Variants in SPIN3 observed in about 807,000 individuals in gnomAD.
The protein encoded by SPIN3 is spindlin-3.
For missense variants in SPIN3, 176 were observed against 196.4 expected (o/e 0.90, Z 0.62); for synonymous variants, 74 against 74.3 (o/e 1.00, Z 0.02).
intron 1 of SPIN3, 95 bp downstream of exon 1, chrX:56,995,121 A>T: frequency 2.1e-6 from 1 of 485,650 alleles, no homozygotes; most frequent in Non-Finnish European, 3.3e-6. Flanking sequence ...GAGTGCCTGC[A>T]GTAACCTTCC....
At chrX:56,982,713 C>G (rs1016094989) in intron 3 of SPIN3, 6 of 111,306 alleles carry the variant, frequency 5.4e-5, no homozygotes, top group African/African-American at 2.0e-4. Context: ...TCTGGGGGAA[C>G]AGGAGGTAGC....
At position 56,993,318 on chromosome X, in the gene SPIN3, C is replaced by T. The variant is rs1201285776; in HGVS notation, c.*853G>A. On this transcript the variant is annotated 3_prime_UTR_variant, in exon 2 of 2. Transcript: ENST00000374919. The stretch of plus-strand genomic sequence containing the variant: ...TGTGACTGAGGGCTCTAGCTAGAGC[C>T]TGGCTTAATGCTCCTCTGGGCTGGC... The T allele has an allele frequency of 8.9e-6, 1 of 111,991 alleles. No homozygotes were observed. Among genetic ancestry groups the T allele is most frequent in the Non-Finnish European group, 1.9e-5 (1 of 53,235 alleles). 9.2% of individuals were successfully genotyped at this position (111,991 alleles called of 1,213,427 possible). A position where few individuals can be genotyped will look rare whatever the true frequency, so the allele number is the denominator to read the frequency against.
In SPIN3 at chrX:56,994,934, A is replaced by T; in HGVS notation, c.14T>A (p.Phe5Tyr). The change falls in exon 2 of 2, where the codon TTT becomes TAT. Residue 5 changes from phenylalanine (F) to tyrosine (Y), a missense_variant. Transcript: ENST00000374919. MKTP[F>Y]GKAAAGQRSR... is the part of the protein sequence containing the mutation. ...CCGCTGCCCTGCAGCTGCCTTTCCA[A>T]ACGGGGTCTTCATGCCTGCGAAGAG... 8.4e-7 allele frequency: 1 copy of T among 1,193,473 alleles called. No homozygotes were observed. The highest frequency in any genetic ancestry group is 1.1e-6 in the Non-Finnish European group (1 of 886,774).
At chrX:56,980,721 CCTGTTTCATACT>C (rs1214437409) in intron 3 of SPIN3, among the ~76,000 whole-genome samples, 33 of 110,252 alleles carry the variant, frequency 3.0e-4, no homozygotes, top group African/African-American at 1.1e-3. Context: ...ACTCTCTGGA[CCTGTTTCATACT>C]CTGTACAAAT....
At chrX:56,981,745 A>T in intron 3 of SPIN3, 1 of 111,824 alleles carries the variant, frequency 8.9e-6, no homozygotes, top group Non-Finnish European at 1.9e-5. Context: ...TTATGGTAAC[A>T]TTTTTTTAAA....
intron 2 of SPIN3, among the ~76,000 whole-genome samples, chrX:56,984,791 A>G (rs1480401927): frequency 9.0e-6 from 1 of 111,503 alleles, no homozygotes; most frequent in Non-Finnish European, 1.9e-5. Flanking sequence ...GAAATTTCCA[A>G]CTTATGTATC....
chrX:56,989,692 G>A (rs572148096), downstream of SPIN3, among the ~76,000 whole-genome samples: 1 of 111,226 alleles, frequency 9.0e-6, no homozygotes, highest in African/African-American at 3.3e-5. Flanking sequence ...GGCATTAGAT[G>A]CTCATAGGAG....
rs1924316208 is a variant in SPIN3, at chrX:56,990,861, G to A, written c.*3310C>T. On this transcript the variant is annotated 3_prime_UTR_variant, in exon 2 of 2. Coordinates refer to ENST00000374919, the MANE Select transcript of SPIN3 (RefSeq NM_001010862.3). ...ATTAAGATATCAGCTTTAATATATT[G>A]TTCAGTGAAAAAAGCAAAATTCAGA... is the stretch of plus-strand genomic sequence containing the variant. The A allele has an allele frequency of 9.2e-6, 1 of 108,197 alleles. No individual in the cohort carries two copies. Among genetic ancestry groups the A allele is most frequent in the African/African-American group, 3.4e-5 (1 of 29,722 alleles). 8.9% of individuals were successfully genotyped at this position (108,197 alleles called of 1,213,427 possible).
At chrX:56,977,033 A>C (rs1279390222) in exon 6 of SPIN3, 1 of 111,560 alleles carries the variant, frequency 9.0e-6, no homozygotes, top group Non-Finnish European at 1.9e-5. Context: ...AAAATTCCCT[A>C]AAAACTGAAA....
Position 56,993,055 on chromosome X carries a change from C to T in SPIN3, c.*1116G>A, listed in dbSNP as rs1310594368. 1 of 111,983 alleles carries T rather than the reference C, an allele frequency of 8.9e-6. No individual in the cohort carries two copies. Among genetic ancestry groups the T allele is most frequent in the South Asian group, 3.8e-4 (1 of 2,659 alleles). 9.2% of individuals were successfully genotyped at this position (111,983 alleles called of 1,213,427 possible). A position where few individuals can be genotyped will look rare whatever the true frequency, so the allele number is the denominator to read the frequency against. Reference sequence around the variant, plus strand: ...CTGCTGGGATACCATAATAGATGAGCCCACCAGTCCCTGCAAGGAAGTATA... The same window carrying T: ...CTGCTGGGATACCATAATAGATGAGTCCACCAGTCCCTGCAAGGAAGTATA... On this transcript the variant is annotated 3_prime_UTR_variant, in exon 2 of 2. Transcript: ENST00000374919.
At position 56,994,796 on chromosome X, in the gene SPIN3, C is replaced by A; in HGVS notation, c.152G>T (p.Gly51Val). Residue 51 changes from glycine (G) to valine (V), a missense_variant, in exon 2 of 2, where the codon GGC becomes GTC. By Grantham distance (109) the Gly-to-Val change is moderately radical. Transcript: ENST00000374919. ...PTSQPRGNIV[G>V]CRIQHGWKDG... is the part of the protein sequence containing the mutation. ...TTTCCATCCGTGCTGAATTCTGCAG[C>A]CCACGATGTTCCCCCGAGGCTGGGA... The A allele has an allele frequency of 8.3e-7, 1 of 1,211,802 alleles. No homozygotes were observed. Among genetic ancestry groups the A allele is most frequent in the Non-Finnish European group, 1.1e-6 (1 of 895,545 alleles).
chrX:56,992,605 A>G lies in SPIN3; in HGVS notation c.*1566T>C, dbSNP rs1924372713. The G allele has an allele frequency of 3.4e-6, 1 of 297,260 alleles. No individual in the cohort carries two copies. The highest frequency in any genetic ancestry group is 5.9e-6 in the Non-Finnish European group (1 of 170,103). The allele number at this position is 297,260 out of a possible 1,213,427, so 24.5% of individuals were successfully genotyped here. On this transcript the variant is annotated 3_prime_UTR_variant, in exon 2 of 2. Coordinates refer to ENST00000374919, the MANE Select transcript of SPIN3 (RefSeq NM_001010862.3). ...TAAACTAATTTGGAAGATATCTTGC[A>G]GTACAGTCCCAATATGATTGTACTG... is the stretch of plus-strand genomic sequence containing the variant.
chrX:56,992,806 T>C lies in SPIN3; in HGVS notation c.*1365A>G, dbSNP rs1432492932. On this transcript the variant is annotated 3_prime_UTR_variant, in exon 2 of 2. Transcript: ENST00000374919. ...CTAGGCTTTGGTTAACCTCCGCCAA[T>C]GGCTCTTTAATAATGGAAAGCTCAA... 4.0e-6 allele frequency: 1 copy of C among 251,197 alleles called. No individual in the cohort carries two copies. Among genetic ancestry groups the C allele is most frequent in the Non-Finnish European group, 7.0e-6 (1 of 141,976 alleles). The allele number at this position is 251,197 out of a possible 1,213,427, so 20.7% of individuals were successfully genotyped here.
downstream of SPIN3, among the ~76,000 whole-genome samples, chrX:56,987,537 G>A (rs1011631531): frequency 1.8e-5 from 2 of 111,433 alleles, no homozygotes; most frequent in African/African-American, 6.5e-5. Context: ...TAGGTTATTT[G>A]TCTATATCTT....
At chrX:56,987,881 G>A (rs932797945), downstream of SPIN3, among the ~76,000 whole-genome samples, 3 of 111,824 alleles carry the variant, frequency 2.7e-5, no homozygotes, top group African/African-American at 9.7e-5. Flanking sequence ...AAATATAAAG[G>A]TTAACCAAAA....
rs973008568 is a variant in SPIN3 at position 56,992,431 on chromosome X, G to A, written c.*1740C>T. 11 of 295,571 alleles carry A rather than the reference G, an allele frequency of 3.7e-5. No homozygotes were observed. Among genetic ancestry groups the A allele is most frequent in the Non-Finnish European group, 5.3e-5 (9 of 170,032 alleles). The allele number at this position is 295,571 out of a possible 1,213,427, so 24.4% of individuals were successfully genotyped here. On this transcript the variant is annotated 3_prime_UTR_variant, in exon 2 of 2. Transcript: ENST00000374919. ...GGCAATACAGACCCACATTGCTGTTGTCAGTCAAACATCATAGTAGAGACT... is the reference window on the plus strand; with the variant it reads ...GGCAATACAGACCCACATTGCTGTTATCAGTCAAACATCATAGTAGAGACT...
exon 3 of SPIN3, chrX:56,984,416 T>C (rs1316975082): frequency 1.2e-5 from 4 of 320,952 alleles, no homozygotes; most frequent in Non-Finnish European, 2.4e-5. Flanking sequence ...ACACATTACT[T>C]TGATACAATG....
At chrX:56,975,555 C>T (rs1300735891), downstream of SPIN3, 4 of 111,345 alleles carry the variant, frequency 3.6e-5, no homozygotes, top group African/African-American at 1.3e-4. Flanking sequence ...CCGATCCCCC[C>T]ACTTTCTGCC....
Position 56,991,986 on chromosome X carries a change from C to T in SPIN3, c.*2185G>A, listed in dbSNP as rs1924350812. 3.4e-6 allele frequency: 1 copy of T among 294,543 alleles called. No individual in the cohort carries two copies. The highest frequency in any genetic ancestry group is 6.1e-5 in the Admixed American group (1 of 16,429). The allele number at this position is 294,543 out of a possible 1,213,427, so 24.3% of individuals were successfully genotyped here. On this transcript the variant is annotated 3_prime_UTR_variant, in exon 2 of 2. Transcript: ENST00000374919. ...AAATGCCTTAGTTTGAACTATATGA[C>T]CTCACCCCCACCCCATCAACTATTA...
Sources: gnomAD v4.1 joint callset for allele counts (sites outside exome capture counted in the v4.1 genomes callset) on GRCh38, gnomAD v4.1.1 for gene constraint, MANE v1.5 for transcripts, NCBI Gene and HGNC (gene_info 2026-07-23, HGNC 2026-07-21) for gene names.